The following EIF4G3 variants were observed in gnomAD, a reference collection of about 807,000 sequenced individuals.
EIF4G3 encodes eIF-4-gamma 3.
A neutral mutation model predicts 186.4 loss-of-function variants in EIF4G3; 34 were observed. That is an observed-to-expected ratio of 0.18 (90% confidence interval 0.14 to 0.24). EIF4G3 has a LOEUF of 0.24. Among genes scored for constraint, EIF4G3 ranks in the 10% least tolerant of loss-of-function variants. EIF4G3 has a pLI of 1.00. For missense variants in EIF4G3, 1,536 were observed against 1,948.5 expected, an observed-to-expected ratio of 0.79 and a Z score of 3.99; for synonymous variants, 673 against 679.5, an observed-to-expected ratio of 0.99 and a Z score of 0.15.
intron 3 of EIF4G3, among the ~76,000 whole-genome samples, chr1:21,061,660 A>C (rs1162491233): frequency 6.6e-6 from 1 of 152,118 alleles, no homozygotes; most frequent in African/African-American, 2.4e-5. Flanking sequence ...TTTCTGGATC[A>C]ATTTTGTCAA....
chr1:21,029,915 G>T (rs2092581867), intron 4 of EIF4G3, among the ~76,000 whole-genome samples: 2 of 152,112 alleles, frequency 1.3e-5, no homozygotes, highest in Non-Finnish European at 2.9e-5. Flanking sequence ...GGAGCACAGT[G>T]GCACAATCAT....
chr1:20,975,379 C>A (rs890125433), intron 10 of EIF4G3, among the ~76,000 whole-genome samples: 158 of 136,278 alleles, frequency 1.2e-3, no homozygotes, highest in African/African-American at 3.1e-3. Flanking sequence ...TTAAAAAAAA[C>A]AAAAAACAAA....
At chr1:20,886,465 G>A in intron 18 of EIF4G3, 94 bp from the exon 19 acceptor site, 1 of 1,244,234 alleles carries the variant, frequency 8.0e-7, no homozygotes, top group Non-Finnish European at 1.1e-6. Context: ...GCCAAGCAAT[G>A]CTAGATGCAA....
intron 14 of EIF4G3, among the ~76,000 whole-genome samples, chr1:20,910,295 A>G (rs1472548897): frequency 6.6e-6 from 1 of 152,204 alleles, no homozygotes; most frequent in Non-Finnish European, 1.5e-5. Flanking sequence ...GAACTAAAAA[A>G]ACCTTCTTGG....
chr1:20,888,496 T>C (rs912450787), intron 18 of EIF4G3, among the ~76,000 whole-genome samples: 4 of 152,152 alleles, frequency 2.6e-5, no homozygotes, highest in African/African-American at 9.7e-5. Flanking sequence ...AATGTGCCCA[T>C]ATTTACACTC....
At chr1:21,130,667 A>G (rs1022789556) in intron 2 of EIF4G3, among the ~76,000 whole-genome samples, 4 of 152,176 alleles carry the variant, frequency 2.6e-5, no homozygotes, top group Non-Finnish European at 5.9e-5. Flanking sequence ...AGACACACAT[A>G]TAGAAAAAAC....
chr1:21,025,005 C>T (rs1263374607), intron 4 of EIF4G3, among the ~76,000 whole-genome samples: 8 of 151,820 alleles, frequency 5.3e-5, no homozygotes, highest in Non-Finnish European at 1.2e-4. Context: ...CAGGGAGCCT[C>T]CAAAGGTGGC....
rs1217461531 is a variant in EIF4G3, at chr1:20,853,543, A to G, written c.3551+17T>C. On this transcript the variant is annotated intron_variant, in intron 27 of 36. Coordinates refer to ENST00000602326, the MANE Select transcript of EIF4G3 (RefSeq NM_001391906.1). The stretch of plus-strand genomic sequence containing the variant: ...AGCGGGCCAGCCTTGAGTAGACATA[A>G]AAAGCAGGGTTCTCACCTAGTTAAG... The G allele has an allele frequency of 1.9e-6, 3 of 1,572,028 alleles. No individual in the cohort carries two copies. Among genetic ancestry groups the G allele is most frequent in the Non-Finnish European group, 2.6e-6 (3 of 1,141,964 alleles).
chr1:20,989,415 C>T (rs908446274), intron 7 of EIF4G3, among the ~76,000 whole-genome samples: 7 of 150,912 alleles, frequency 4.6e-5, no homozygotes, highest in African/African-American at 7.3e-5. Flanking sequence ...AAATTAGCTG[C>T]GCATGGTGGG....
intron 3 of EIF4G3, among the ~76,000 whole-genome samples, chr1:21,057,345 A>G (rs1179837429): frequency 1.3e-5 from 2 of 152,192 alleles, no homozygotes; most frequent in Non-Finnish European, 1.5e-5. Context: ...AAAAACTACC[A>G]TAACACAATT....
chr1:20,881,221 G>A (rs1425959160), intron 19 of EIF4G3, among the ~76,000 whole-genome samples: 1 of 152,160 alleles, frequency 6.6e-6, no homozygotes, highest in African/African-American at 2.4e-5. Context: ...ACATTTCAAT[G>A]GAGAAAGGAT....
chr1:21,107,950 C>T (rs925596488), intron 2 of EIF4G3, among the ~76,000 whole-genome samples: 2 of 152,254 alleles, frequency 1.3e-5, no homozygotes, highest in South Asian at 2.1e-4. Context: ...GAATTCAAGA[C>T]CAGCCTGGGC....
intron 7 of EIF4G3, among the ~76,000 whole-genome samples, chr1:20,995,921 T>C (rs1043787267): frequency 6.6e-6 from 1 of 152,188 alleles, no homozygotes; most frequent in South Asian, 2.1e-4. Context: ...CCTAATTCCT[T>C]TGCAGTTATT....
intron 3 of EIF4G3, among the ~76,000 whole-genome samples, chr1:21,071,338 G>A (rs554664081): frequency 1.1e-4 from 16 of 152,176 alleles, no homozygotes; most frequent in African/African-American, 3.9e-4. Context: ...CTTGAGCCCA[G>A]GAGTTCAAAG....
chr1:21,134,988 AAC>A (rs1318933329), intron 2 of EIF4G3, among the ~76,000 whole-genome samples: 1 of 152,196 alleles, frequency 6.6e-6, no homozygotes, highest in Non-Finnish European at 1.5e-5. Flanking sequence ...ATCTGCCTAA[AAC>A]ACAAACATAA....
intron 19 of EIF4G3, among the ~76,000 whole-genome samples, chr1:20,885,486 T>C (rs950310838): frequency 2.0e-5 from 3 of 152,132 alleles, no homozygotes; most frequent in Non-Finnish European, 2.9e-5. Flanking sequence ...AAAAGATATA[T>C]AAGGAATCCA....
intron 7 of EIF4G3, among the ~76,000 whole-genome samples, chr1:20,983,574 T>G (rs549207745): frequency 1.3e-4 from 20 of 152,320 alleles, no homozygotes; most frequent in East Asian, 7.7e-4. Flanking sequence ...TATAATGTAG[T>G]TAATATCAGG....
chr1:21,053,275 G>A lies in EIF4G3; in HGVS notation c.-195-2281C>T, dbSNP rs1403269896. ...AGACCCTCTGCCTGGCAACCGCCCCGTCTGAGAAGTGAGGAGCCCCTCCGC... is the reference window on the plus strand; with the variant it reads ...AGACCCTCTGCCTGGCAACCGCCCCATCTGAGAAGTGAGGAGCCCCTCCGC... On this transcript the variant is annotated intron_variant, in intron 3 of 36. Transcript: ENST00000602326. 3.4e-5 allele frequency among the ~76,000 whole-genome samples: 5 copies of A among 149,002 alleles called. No homozygotes were observed. In the South Asian group the frequency reaches 6.5e-4, roughly 19 times the overall value.
intron 18 of EIF4G3, among the ~76,000 whole-genome samples, chr1:20,889,833 G>A (rs944240275): frequency 2.0e-5 from 3 of 152,082 alleles, no homozygotes; most frequent in African/African-American, 7.2e-5. Context: ...ATATTTCATG[G>A]TAATTTCCAA....
Sources: gnomAD v4.1 joint callset for allele counts (sites outside exome capture counted in the v4.1 genomes callset) on GRCh38, gnomAD v4.1.1 for gene constraint, MANE v1.5 for transcripts, NCBI Gene and HGNC (gene_info 2026-07-23, HGNC 2026-07-21) for gene names.